Variants in KCNT2 observed in about 807,000 individuals in gnomAD.
KCNT2 encodes the protein potassium sodium-activated channel subfamily T member 2.
KCNT2 carries 67 observed loss-of-function variants against 153.8 expected under a neutral mutation model. The ratio of observed to expected loss-of-function variants is 0.44; its 90% confidence interval spans 0.36 to 0.53. The LOEUF is 0.53. KCNT2 is among the 20% of genes least tolerant of loss of function. The pLI is 0.00. For missense variants in KCNT2, 975 were observed against 1,354.8 expected (o/e 0.72, Z 4.40); for synonymous variants, 500 against 458.8 (o/e 1.09, Z -1.15).
chr1:196,306,525 T>C (rs917575195), intron 21 of KCNT2, among the ~76,000 whole-genome samples: 4 of 152,088 alleles, frequency 2.6e-5, no homozygotes, highest in Admixed American at 1.3e-4. Flanking sequence ...CTCTGGAAGG[T>C]TGATGGATGA....
At chr1:196,598,414 C>T (rs991424649) in intron 1 of KCNT2, among the ~76,000 whole-genome samples, 4 of 152,160 alleles carry the variant, frequency 2.6e-5, no homozygotes, top group Non-Finnish European at 4.4e-5. Context: ...TTTTCCATGT[C>T]ATTCTACTTT....
intron 25 of KCNT2, among the ~76,000 whole-genome samples, chr1:196,272,599 A>G (rs1658173549): frequency 6.6e-6 from 1 of 151,910 alleles, no homozygotes; most frequent in Non-Finnish European, 1.5e-5. Context: ...TAGAGCTACA[A>G]ACCCAGCTTT....
At chr1:196,508,189 C>CAAAAAAAAAAAAAAAAAAAAAAAA (rs10539910) in intron 1 of KCNT2, among the ~76,000 whole-genome samples, 5 of 59,976 alleles carry the variant, frequency 8.3e-5, no homozygotes, top group African/African-American at 1.4e-4. Flanking sequence ...CCCTAAGTAG[C>CAAAAAAAAAAAAAAAAAAAAAAAA]AAAAAAAAAA....
chr1:196,379,121 A>T (rs1308907297), intron 13 of KCNT2, among the ~76,000 whole-genome samples: 2 of 152,056 alleles, frequency 1.3e-5, no homozygotes, highest in East Asian at 3.9e-4. Context: ...ACTTTCCCTA[A>T]ACTCTTTTCT....
At chr1:196,302,199 G>A (rs1661247681) in intron 22 of KCNT2, among the ~76,000 whole-genome samples, 1 of 152,102 alleles carries the variant, frequency 6.6e-6, no homozygotes, top group Non-Finnish European at 1.5e-5. Flanking sequence ...AAATGCTACT[G>A]ATTATTTAAA....
intron 5 of KCNT2, 151 bp downstream of exon 5, chr1:196,479,028 C>T: frequency 1.6e-6 from 1 of 610,540 alleles, no homozygotes; most frequent in South Asian, 1.9e-5. Context: ...CGTATTCATA[C>T]AGCTTTTTAT....
rs545057790 is a variant in KCNT2 at position 196,490,467 on chromosome 1, ATAT to A, written c.176-533_176-531del. On this transcript the variant is annotated intron_variant, in intron 2 of 27. Transcript: ENST00000294725. ...ATACATTCCAATTATATAATTATAT[ATAT>A]TATTTATTCATTATATAATAATATA... 2.0e-4 allele frequency among the ~76,000 whole-genome samples: 29 copies of A among 147,872 alleles called. No homozygotes were observed. The South Asian group carries it at 5.9e-3, about 30-fold the overall frequency.
chr1:196,563,529 C>T (rs541811030), intron 1 of KCNT2, among the ~76,000 whole-genome samples: 2 of 147,814 alleles, frequency 1.4e-5, no homozygotes, highest in African/African-American at 4.9e-5. Flanking sequence ...CTTATGAAAC[C>T]AACATTACCT....
chr1:196,337,765 C>T (rs557670333), intron 16 of KCNT2, among the ~76,000 whole-genome samples: 200 of 152,208 alleles, frequency 1.3e-3, no homozygotes, highest in Non-Finnish European at 2.0e-3. Context: ...ATCTGCTCCT[C>T]CCAAAAATTA....
intron 8 of KCNT2, among the ~76,000 whole-genome samples, chr1:196,449,207 G>GT (rs1167225170): frequency 6.6e-6 from 1 of 151,640 alleles, no homozygotes; most frequent in Non-Finnish European, 1.5e-5. Context: ...ATTGAAAGTG[G>GT]TTTTCCACCT....
intron 1 of KCNT2, among the ~76,000 whole-genome samples, chr1:196,516,868 C>A (rs1399589302): frequency 6.6e-6 from 1 of 152,088 alleles, no homozygotes; most frequent in African/African-American, 2.4e-5. Context: ...TAGAGCAGAC[C>A]CCCAGCATAC....
At chr1:196,297,431 T>C (rs1377887414) in intron 22 of KCNT2, among the ~76,000 whole-genome samples, 2 of 152,178 alleles carry the variant, frequency 1.3e-5, no homozygotes, top group African/African-American at 4.8e-5. Context: ...CTAATTACAC[T>C]GAATTTGAAG....
chr1:196,430,999 G>T (rs1289436728), intron 8 of KCNT2, among the ~76,000 whole-genome samples: 2 of 152,190 alleles, frequency 1.3e-5, no homozygotes, highest in Non-Finnish European at 2.9e-5. Context: ...GAGCTCTCAA[G>T]AATGGAATTA....
At chr1:196,422,780 T>TA (rs2148519184) in intron 12 of KCNT2, among the ~76,000 whole-genome samples, 1 of 152,036 alleles carries the variant, frequency 6.6e-6, no homozygotes, top group South Asian at 2.1e-4. Context: ...ACATACTTAA[T>TA]AAAAAATGTT....
intron 22 of KCNT2, among the ~76,000 whole-genome samples, chr1:196,292,833 A>T (rs1660322883): frequency 6.7e-6 from 1 of 148,314 alleles, no homozygotes; most frequent in African/African-American, 2.5e-5. Flanking sequence ...AAAAAAAAAA[A>T]AGGAAGAAGT....
At chr1:196,605,665 A>G (rs950440029) in intron 1 of KCNT2, among the ~76,000 whole-genome samples, 1 of 152,190 alleles carries the variant, frequency 6.6e-6, no homozygotes, top group Non-Finnish European at 1.5e-5. Context: ...ATTGAGTCCA[A>G]GAAGATAACT....
intron 1 of KCNT2, among the ~76,000 whole-genome samples, chr1:196,572,621 T>C (rs1365667363): frequency 2.0e-5 from 3 of 152,082 alleles, no homozygotes; most frequent in African/African-American, 7.2e-5. Flanking sequence ...TATCATGGAA[T>C]GCAAAGGCTT....
chr1:196,352,032 G>A (rs570492040), intron 14 of KCNT2, among the ~76,000 whole-genome samples: 1 of 152,204 alleles, frequency 6.6e-6, no homozygotes, highest in African/African-American at 2.4e-5. Flanking sequence ...TATTGAACCA[G>A]CCTTGCATCC....
chr1:196,404,484 C>T (rs905259702), intron 12 of KCNT2, among the ~76,000 whole-genome samples: 5 of 151,636 alleles, frequency 3.3e-5, no homozygotes, highest in African/African-American at 1.2e-4. Flanking sequence ...TCAGTCTTTG[C>T]ATTCTTCTCT....
Sources: gnomAD v4.1 joint callset for allele counts (sites outside exome capture counted in the v4.1 genomes callset) on GRCh38, gnomAD v4.1.1 for gene constraint, MANE v1.5 for transcripts, NCBI Gene and HGNC (gene_info 2026-07-23, HGNC 2026-07-21) for gene names.